ANTXR1: variants seen among roughly 807,000 people sequenced by gnomAD.
ANTXR1 encodes anthrax toxin receptor 1.
ANTXR1 carries 19 observed loss-of-function variants against 78.1 expected under a neutral mutation model. That is an observed-to-expected ratio of 0.24 (90% CI 0.17 to 0.36). The LOEUF is 0.36. ANTXR1 is among the 10% of genes least tolerant of loss of function. ANTXR1 has a pLI of 1.00. For missense variants in ANTXR1, 518 were observed against 718.6 expected (o/e 0.72, Z 3.19); for synonymous variants, 273 against 260.5 (o/e 1.05, Z -0.46).
intron 8 of ANTXR1, 87 bp from the exon 9 acceptor site, chr2:69,090,768 ATCTC>A: frequency 1.5e-6 from 2 of 1,292,822 alleles, no homozygotes; most frequent in Non-Finnish European, 2.2e-6. Flanking sequence ...GAACCTTCCT[ATCTC>A]TATCTCAGTA....
intron 12 of ANTXR1, among the ~76,000 whole-genome samples, chr2:69,151,430 C>T (rs1314313725): frequency 6.6e-6 from 1 of 152,060 alleles, no homozygotes; most frequent in African/African-American, 2.4e-5. Flanking sequence ...TTCCTTGAAC[C>T]AGCAACTCAG....
chr2:69,209,903 A>G (rs1573978911), intron 17 of ANTXR1, among the ~76,000 whole-genome samples: 2 of 152,386 alleles, frequency 1.3e-5, no homozygotes, highest in South Asian at 2.1e-4. Flanking sequence ...GTGCCCTAGC[A>G]TCCTCCACAC....
intron 16 of ANTXR1, among the ~76,000 whole-genome samples, chr2:69,191,381 C>T (rs1674539751): frequency 1.3e-5 from 2 of 152,200 alleles, no homozygotes; most frequent in Admixed American, 6.5e-5. Flanking sequence ...TGAGATGCTT[C>T]TTAACACTGC....
At chr2:69,239,064 CA>C (rs1417438363) in intron 17 of ANTXR1, among the ~76,000 whole-genome samples, 36 of 152,272 alleles carry the variant, frequency 2.4e-4, no homozygotes, top group Admixed American at 2.2e-3. Context: ...CAGGCAAGCT[CA>C]AACTCTTACC....
intron 13 of ANTXR1, among the ~76,000 whole-genome samples, chr2:69,152,497 GGC>G (rs1346113460): frequency 1.3e-5 from 2 of 152,170 alleles, no homozygotes; most frequent in Non-Finnish European, 2.9e-5. Context: ...CCTTGGGTGG[GGC>G]AACTGGGGTG....
intron 17 of ANTXR1, among the ~76,000 whole-genome samples, chr2:69,240,277 T>G (rs1675862740): frequency 6.6e-6 from 1 of 152,284 alleles, no homozygotes; most frequent in African/African-American, 2.4e-5. Flanking sequence ...GAGAAGCCCT[T>G]GAGGGTGCCT....
chr2:69,040,847 A>C (rs1669595006), intron 2 of ANTXR1, among the ~76,000 whole-genome samples: 1 of 152,196 alleles, frequency 6.6e-6, no homozygotes, highest in South Asian at 2.1e-4. Flanking sequence ...CGTAAGTTCT[A>C]ACACAGCTCC....
At chr2:69,131,407 C>T (rs949872976) in intron 12 of ANTXR1, among the ~76,000 whole-genome samples, 1 of 152,180 alleles carries the variant, frequency 6.6e-6, no homozygotes, top group Non-Finnish European at 1.5e-5. Flanking sequence ...TCTTAACATC[C>T]GGGTTATTTT....
chr2:69,106,364 C>T (rs1260526168), intron 10 of ANTXR1, among the ~76,000 whole-genome samples: 3 of 152,174 alleles, frequency 2.0e-5, no homozygotes, highest in Non-Finnish European at 4.4e-5. Flanking sequence ...TGTGGCCTCA[C>T]TCAAAGGAAA....
At chr2:69,115,770 C>T (rs923833696) in intron 10 of ANTXR1, among the ~76,000 whole-genome samples, 2 of 152,200 alleles carry the variant, frequency 1.3e-5, no homozygotes, top group Admixed American at 6.5e-5. Flanking sequence ...CTCATGGCAA[C>T]TAGCCAGGGA....
intron 12 of ANTXR1, among the ~76,000 whole-genome samples, chr2:69,149,787 A>G (rs1673341762): frequency 6.6e-6 from 1 of 152,182 alleles, no homozygotes; most frequent in Non-Finnish European, 1.5e-5. Context: ...TCTTCCTGTT[A>G]TGAATGTGGG....
intron 17 of ANTXR1, among the ~76,000 whole-genome samples, chr2:69,229,516 C>T (rs939300548): frequency 6.6e-6 from 1 of 152,014 alleles, no homozygotes; most frequent in Admixed American, 6.6e-5. Flanking sequence ...CTTCTGGCAC[C>T]AATATTTAAA....
At chr2:69,052,891 T>C (rs1360387328) in intron 3 of ANTXR1, among the ~76,000 whole-genome samples, 1 of 152,150 alleles carries the variant, frequency 6.6e-6, no homozygotes, top group Non-Finnish European at 1.5e-5. Flanking sequence ...CAGCTTACTT[T>C]TCACTGCTTC....
intron 3 of ANTXR1, among the ~76,000 whole-genome samples, chr2:69,062,141 C>G (rs939477255): frequency 6.6e-6 from 1 of 152,146 alleles, no homozygotes; most frequent in African/African-American, 2.4e-5. Flanking sequence ...TAGACAGACA[C>G]TCTGCAGGGA....
intron 16 of ANTXR1, among the ~76,000 whole-genome samples, chr2:69,187,908 TA>T: frequency 6.6e-6 from 1 of 151,622 alleles, no homozygotes; most frequent in South Asian, 2.1e-4. Flanking sequence ...TTTCAAAGTG[TA>T]AAAAGTCAGG....
At position 69,065,863 on chromosome 2, in the gene ANTXR1, C is replaced by T. The variant is rs73934663; in HGVS notation, c.297-4784C>T. On this transcript the variant is annotated intron_variant, in intron 3 of 17. Coordinates refer to ENST00000303714, the MANE Select transcript of ANTXR1 (RefSeq NM_032208.3). ...TTTTCTTATAGTCAACAATTGGAGC[C>T]ATAAGGCCATCTGGGAATGTTCCAG... Among the ~76,000 whole-genome samples the T allele has an allele frequency of 3.7e-3, 569 of 152,266 alleles. 4 individuals carry two copies. Among genetic ancestry groups the T allele is most frequent in the African/African-American group, 0.013 (532 of 41,550 alleles).
At chr2:69,145,435 C>G in intron 12 of ANTXR1, 1 of 1,558,346 alleles carries the variant, frequency 6.4e-7, no homozygotes, top group Non-Finnish European at 8.7e-7. Context: ...GAGAGAGGAG[C>G]CAAACATGCT....
At chr2:69,131,645 C>T (rs113835557) in intron 12 of ANTXR1, among the ~76,000 whole-genome samples, 1 of 152,114 alleles carries the variant, frequency 6.6e-6, no homozygotes, top group Non-Finnish European at 1.5e-5. Context: ...TGCACATACT[C>T]ATTACTCAGC....
intron 12 of ANTXR1, among the ~76,000 whole-genome samples, 171 bp downstream of exon 12, chr2:69,124,814 G>A (rs1325570587): frequency 2.6e-5 from 4 of 152,154 alleles, no homozygotes; most frequent in African/African-American, 9.7e-5. Flanking sequence ...GGATTGGGGT[G>A]TGCTGTACCC....
Sources: allele counts gnomAD v4.1 joint callset (sites outside exome capture counted in the v4.1 genomes callset), GRCh38; gene constraint gnomAD v4.1.1; transcripts MANE v1.5; gene names NCBI Gene and HGNC (gene_info 2026-07-23, HGNC 2026-07-21).